GSTCD: variants seen among roughly 807,000 people sequenced by gnomAD.
The protein encoded by GSTCD is glutathione S-transferase C-terminal domain-containing protein.
Under a neutral mutation model 68.3 loss-of-function variants are expected in GSTCD, and 44 were observed. The ratio of observed to expected loss-of-function variants is 0.64; its 90% CI spans 0.51 to 0.83. The LOEUF (loss-of-function observed/expected upper bound fraction) is 0.83, where lower values mean the gene tolerates loss of function less well. GSTCD is among the 40% of genes least tolerant of loss of function. The probability of loss-of-function intolerance (pLI) is 0.00; values close to 1 mark genes in which losing one functional copy is unlikely to be tolerated. For missense variants in GSTCD, 739 were observed against 735.9 expected, an observed-to-expected ratio of 1.00 and a Z score of -0.05; for synonymous variants, 273 against 255.2, an observed-to-expected ratio of 1.07 and a Z score of -0.67.
intron 5 of GSTCD, among the ~76,000 whole-genome samples, chr4:105,786,937 C>T (rs1050325972): frequency 2.6e-5 from 4 of 151,970 alleles, no homozygotes; most frequent in Non-Finnish European, 5.9e-5. Flanking sequence ...TTTTGACAGT[C>T]CCTTAAAGCT....
chr4:105,833,637 G>C (rs1471466888), intron 8 of GSTCD, among the ~76,000 whole-genome samples: 1 of 152,048 alleles, frequency 6.6e-6, no homozygotes, highest in Non-Finnish European at 1.5e-5. Context: ...ATCCAGTACA[G>C]GTTATTCATC....
chr4:105,721,702 T>C (rs1179827491), intron 3 of GSTCD, among the ~76,000 whole-genome samples: 1 of 152,114 alleles, frequency 6.6e-6, no homozygotes, highest in Non-Finnish European at 1.5e-5. Flanking sequence ...AGGTATTATA[T>C]ATAAACCTGC....
chr4:105,810,039 C>G (rs1722692385), intron 5 of GSTCD, among the ~76,000 whole-genome samples: 1 of 151,894 alleles, frequency 6.6e-6, no homozygotes, highest in African/African-American at 2.4e-5. Flanking sequence ...TTAAATCATT[C>G]ATTTATGAAT....
At chr4:105,742,240 C>A (rs1316873446) in intron 5 of GSTCD, among the ~76,000 whole-genome samples, 1 of 152,188 alleles carries the variant, frequency 6.6e-6, no homozygotes, top group Admixed American at 6.5e-5. Flanking sequence ...TTTCTCTCCC[C>A]ACATCTTATC....
intron 5 of GSTCD, among the ~76,000 whole-genome samples, chr4:105,769,229 GCGCGCACACA>G (rs1342505572): frequency 5.7e-5 from 3 of 53,096 alleles, no homozygotes; most frequent in African/African-American, 2.4e-4. Context: ...TACTATACAC[GCGCGCACACA>G]CACACACACA....
chr4:105,746,086 C>T (rs1426387318), intron 5 of GSTCD, among the ~76,000 whole-genome samples: 1 of 152,106 alleles, frequency 6.6e-6, no homozygotes, highest in Non-Finnish European at 1.5e-5. Flanking sequence ...ACTCCCCATG[C>T]AGTTGAAAAT....
intron 5 of GSTCD, among the ~76,000 whole-genome samples, chr4:105,768,374 A>G (rs1380398562): frequency 2.6e-5 from 4 of 152,138 alleles, no homozygotes; most frequent in East Asian, 1.9e-4. Flanking sequence ...GTTTTTATAC[A>G]TAGTATGAAT....
intron 3 of GSTCD, among the ~76,000 whole-genome samples, chr4:105,723,513 G>A (rs946285267): frequency 1.3e-5 from 2 of 151,700 alleles, no homozygotes; most frequent in African/African-American, 4.8e-5. Flanking sequence ...AGTAATCTAG[G>A]ATTTAAAGTA....
chr4:105,839,873 C>G (rs1256035548), intron 10 of GSTCD, among the ~76,000 whole-genome samples: 1 of 152,142 alleles, frequency 6.6e-6, no homozygotes, highest in Non-Finnish European at 1.5e-5. Context: ...AAAATTTCTA[C>G]AGTAGGGACA....
At chr4:105,758,768 G>T (rs930774322) in intron 5 of GSTCD, among the ~76,000 whole-genome samples, 5 of 152,124 alleles carry the variant, frequency 3.3e-5, no homozygotes, top group African/African-American at 1.2e-4. Flanking sequence ...TTCCAGTAGG[G>T]CTTAACTAGT....
intron 7 of GSTCD, chr4:105,823,492 AG>A (rs2149275718): frequency 2.6e-6 from 1 of 391,486 alleles, no homozygotes; most frequent in African/African-American, 2.1e-5. Context: ...TTTTTAAAAG[AG>A]GTTTATAGGT....
At chr4:105,745,829 G>A (rs1733783452) in intron 5 of GSTCD, among the ~76,000 whole-genome samples, 1 of 152,168 alleles carries the variant, frequency 6.6e-6, no homozygotes, top group African/African-American at 2.4e-5. Context: ...AAAGATAGGT[G>A]CTTAGGTGTT....
In GSTCD at chr4:105,846,028, T is replaced by C. The variant is rs1007833834; in HGVS notation, c.*451T>C. The C allele has an allele frequency of 1.3e-5, 2 of 158,118 alleles. No individual in the cohort carries two copies. The highest frequency in any genetic ancestry group is 4.8e-5 in the African/African-American group (2 of 41,512). The allele number at this position is 158,118 out of a possible 1,614,324, so 9.8% of individuals were successfully genotyped here. ...TTTTATATTTTTAACAATTGTACTT[T>C]TTCTATCACTTTAAAAAAATCTAGT... is the stretch of plus-strand genomic sequence containing the variant. On this transcript the variant is annotated 3_prime_UTR_variant, in exon 12 of 12. Coordinates refer to ENST00000515279, the MANE Select transcript of GSTCD (RefSeq NM_001370181.1).
chr4:105,825,775 AT>A lies in GSTCD; in HGVS notation c.1509del (p.Phe503LeufsTer9). On this transcript the variant is annotated frameshift_variant, in exon 8 of 12. Transcript: ENST00000515279. LOFTEE classifies it high-confidence loss of function. ...NIWFIQANME[Y>X]FTGMFNIGVA... is the part of the protein sequence containing the mutation. The stretch of plus-strand genomic sequence containing the variant: ...TGGTTCATTCAAGCAAATATGGAAT[AT>A]TTTACTGGGATGTTTAATATTGGAG... 6.5e-7 allele frequency: 1 copy of A among 1,546,636 alleles called. No individual in the cohort carries two copies. Among genetic ancestry groups the A allele is most frequent in the Non-Finnish European group, 8.9e-7 (1 of 1,120,944 alleles).
intron 5 of GSTCD, among the ~76,000 whole-genome samples, chr4:105,739,629 G>A (rs544741366): frequency 2.7e-4 from 41 of 152,130 alleles, no homozygotes; most frequent in African/African-American, 8.0e-4. Context: ...ACTGTTTTTC[G>A]AAGAGACTGT....
At position 105,736,168 on chromosome 4, in the gene GSTCD, A is replaced by G. The variant is rs75122098; in HGVS notation, c.1240+6669A>G. On this transcript the variant is annotated intron_variant, in intron 5 of 11. Transcript: ENST00000515279. ...GTTTCTAATAGTTAATAGTTATTTTATATTTTGTACTTGTTATTTCTAATA... is the reference window on the plus strand; with the variant it reads ...GTTTCTAATAGTTAATAGTTATTTTGTATTTTGTACTTGTTATTTCTAATA... Among the ~76,000 whole-genome samples the G allele has an allele frequency of 8.9e-3, 1,357 of 152,032 alleles. 21 individuals carry two copies. Among genetic ancestry groups the G allele is most frequent in the African/African-American group, 0.031 (1,281 of 41,512 alleles).
intron 5 of GSTCD, chr4:105,746,460 A>T (rs913677919): frequency 2.0e-5 from 3 of 152,190 alleles, no homozygotes; most frequent in Non-Finnish European, 2.9e-5. Flanking sequence ...CAAGAGTTTT[A>T]TCAGAAGGAG....
chr4:105,809,705 CTG>C (rs1307270412), intron 5 of GSTCD, among the ~76,000 whole-genome samples: 1 of 151,906 alleles, frequency 6.6e-6, no homozygotes, highest in African/African-American at 2.4e-5. Context: ...GTTAAATTAA[CTG>C]TTGAAATTCT....
At chr4:105,763,230 T>A (rs2149237212) in intron 5 of GSTCD, among the ~76,000 whole-genome samples, 1 of 152,258 alleles carries the variant, frequency 6.6e-6, no homozygotes, top group African/African-American at 2.4e-5. Context: ...ATGAAAGATA[T>A]CTCTATAAGG....
Sources: allele counts gnomAD v4.1 joint callset (sites outside exome capture counted in the v4.1 genomes callset), GRCh38; gene constraint gnomAD v4.1.1; transcripts MANE v1.5; gene names NCBI Gene and HGNC (gene_info 2026-07-23, HGNC 2026-07-21).